Variants in LEPR observed in about 807,000 individuals in gnomAD.
The protein encoded by LEPR is OB receptor.
Under a neutral mutation model 114.7 loss-of-function variants are expected in LEPR, and 56 were observed. The observed-to-expected ratio is 0.49, with a 90% CI of 0.39 to 0.61. The LOEUF is 0.61. LEPR is among the 20% of genes least tolerant of loss of function. The pLI, the probability that LEPR is intolerant of heterozygous loss-of-function variation, is 0.00. For synonymous variants in LEPR, 443 were observed against 461.4 expected (o/e 0.96, Z 0.51); for missense variants, 1,202 against 1,352.9 (o/e 0.89, Z 1.75).
intron 2 of LEPR, among the ~76,000 whole-genome samples, chr1:65,508,082 A>G (rs1337780959): frequency 1.3e-5 from 2 of 152,078 alleles, no homozygotes; most frequent in Non-Finnish European, 2.9e-5. Flanking sequence ...TGTGTATTTT[A>G]GATATTAGCC....
At chr1:65,488,521 G>A (rs929421834) in intron 2 of LEPR, among the ~76,000 whole-genome samples, 2 of 151,190 alleles carry the variant, frequency 1.3e-5, no homozygotes, top group Non-Finnish European at 2.9e-5. Flanking sequence ...TTGAGACAGG[G>A]TTTTCTTATG....
chr1:65,615,301 A>T (rs1373309947), intron 14 of LEPR, among the ~76,000 whole-genome samples: 1 of 152,168 alleles, frequency 6.6e-6, no homozygotes, highest in East Asian at 1.9e-4. Flanking sequence ...GGTGAAGTTG[A>T]TTGGGGAAAT....
At chr1:65,457,437 T>A (rs1370561158) in intron 2 of LEPR, among the ~76,000 whole-genome samples, 5 of 152,144 alleles carry the variant, frequency 3.3e-5, no homozygotes, top group Non-Finnish European at 7.3e-5. Flanking sequence ...TACTGATAGA[T>A]CCCCAGTCTC....
In LEPR at chr1:65,633,282, A is replaced by G. The variant is rs1658598253; in HGVS notation, c.2674-2909A>G. On this transcript the variant is annotated intron_variant, in intron 19 of 19. Transcript: ENST00000349533. The surrounding 1 kb of genome is among the most constrained non-coding windows in gnomAD (Gnocchi z 4.1). ...AGGGGAGCAAATCTAAAAAAAATTC[A>G]GTTGAACTTCTGAGAGTTAACATAT... is the stretch of plus-strand genomic sequence containing the variant. 2.6e-6 allele frequency: 4 copies of G among 1,535,828 alleles called. No individual in the cohort carries two copies. The highest frequency in any genetic ancestry group is 3.5e-6 in the Non-Finnish European group (4 of 1,145,942).
At chr1:65,525,171 G>A (rs879405174) in intron 2 of LEPR, among the ~76,000 whole-genome samples, 2 of 150,746 alleles carry the variant, frequency 1.3e-5, no homozygotes, top group Non-Finnish European at 3.0e-5. Flanking sequence ...GACCTCACTA[G>A]TTTTGATCTT....
At chr1:65,502,055 A>C (rs896575550) in intron 2 of LEPR, among the ~76,000 whole-genome samples, 1 of 152,166 alleles carries the variant, frequency 6.6e-6, no homozygotes, top group Non-Finnish European at 1.5e-5. Context: ...ATGATTGACC[A>C]CTGGAAGGGT....
At chr1:65,505,451 C>T (rs563083044) in intron 2 of LEPR, among the ~76,000 whole-genome samples, 6 of 152,220 alleles carry the variant, frequency 3.9e-5, no homozygotes, top group East Asian at 1.9e-4. Context: ...ATTTTTCTGC[C>T]GTTTTTTGAC....
chr1:65,594,718 C>T lies in LEPR; in HGVS notation c.704-1730C>T, dbSNP rs142371773. On this transcript the variant is annotated intron_variant, in intron 6 of 19. Coordinates refer to ENST00000349533, the MANE Select transcript of LEPR (RefSeq NM_002303.6). ...GATATATATATTTGGGAGTTGTTAG[C>T]GTATCAAGGTTTATAGTATTGTATG... Among the ~76,000 whole-genome samples, 137 of 151,716 alleles carry T rather than the reference C, an allele frequency of 9.0e-4. 2 individuals carry two copies. The East Asian group carries it at 0.025, about 28-fold the overall frequency.
At chr1:65,421,583 T>C in intron 1 of LEPR, 1 of 1,105,986 alleles carries the variant, frequency 9.0e-7, no homozygotes, top group Non-Finnish European at 1.3e-6. Flanking sequence ...GCTATAAACA[T>C]GTAGATAGTA....
At chr1:65,438,366 A>G (rs1172964658) in intron 2 of LEPR, among the ~76,000 whole-genome samples, 2 of 151,904 alleles carry the variant, frequency 1.3e-5, no homozygotes, top group South Asian at 2.1e-4. Flanking sequence ...CCTGACCAAC[A>G]TGGTGAAACC....
intron 7 of LEPR, among the ~76,000 whole-genome samples, chr1:65,597,019 A>C (rs759393217): frequency 6.6e-6 from 1 of 152,060 alleles, no homozygotes; most frequent in Non-Finnish European, 1.5e-5. Flanking sequence ...TTTTAGCAGG[A>C]ACACCCCCAC....
chr1:65,635,289 C>CT (rs536753887), intron 19 of LEPR: 10 of 978,924 alleles, frequency 1.0e-5, no homozygotes, highest in African/African-American at 3.5e-5. Context: ...GTATCAACAG[C>CT]TTTTTTTATT....
intron 2 of LEPR, among the ~76,000 whole-genome samples, chr1:65,534,556 T>C (rs1019229612): frequency 6.6e-6 from 1 of 152,012 alleles, no homozygotes; most frequent in African/African-American, 2.4e-5. Flanking sequence ...ATAAACTTAA[T>C]AGAGTAAATT....
At chr1:65,520,615 C>T (rs1036307460) in intron 2 of LEPR, among the ~76,000 whole-genome samples, 3 of 152,000 alleles carry the variant, frequency 2.0e-5, no homozygotes, top group South Asian at 2.1e-4. Context: ...AACCCAGCGG[C>T]GCTAGAAGAA....
chr1:65,434,218 A>T, intron 2 of LEPR: 1 of 980,000 alleles, frequency 1.0e-6, no homozygotes, highest in Non-Finnish European at 1.2e-6. Flanking sequence ...ATATCATTTA[A>T]ACAGTAAATA....
intron 2 of LEPR, among the ~76,000 whole-genome samples, chr1:65,529,426 G>T (rs1044634905): frequency 2.3e-4 from 35 of 151,796 alleles, no homozygotes; most frequent in Non-Finnish European, 1.0e-4. Context: ...GGAGGCTGAG[G>T]CAGAGAATTG....
intron 3 of LEPR, among the ~76,000 whole-genome samples, chr1:65,567,721 A>G (rs1653869555): frequency 6.6e-6 from 1 of 152,170 alleles, no homozygotes; most frequent in Non-Finnish European, 1.5e-5. Flanking sequence ...ATTGATTAAA[A>G]ATTTTATTTT....
At chr1:65,428,291 G>A (rs1646419448) in intron 2 of LEPR, among the ~76,000 whole-genome samples, 1 of 152,162 alleles carries the variant, frequency 6.6e-6, no homozygotes. Flanking sequence ...CATAGAGTCA[G>A]ATTGTTTTTC....
chr1:65,531,277 A>G (rs750969675), intron 2 of LEPR, among the ~76,000 whole-genome samples: 2 of 152,206 alleles, frequency 1.3e-5, no homozygotes, highest in Non-Finnish European at 2.9e-5. Flanking sequence ...AGATTTCCAC[A>G]TGGTTCGCTT....
Sources: gnomAD v4.1 joint callset for allele counts (sites outside exome capture counted in the v4.1 genomes callset) on GRCh38, gnomAD v4.1.1 for gene constraint, Gnocchi (gnomAD v3.1) non-coding constraint, MANE v1.5 for transcripts, NCBI Gene and HGNC (gene_info 2026-07-23, HGNC 2026-07-21) for gene names.